The following NXPH1 variants were observed in gnomAD, a reference collection of about 807,000 sequenced individuals.
NXPH1 encodes the protein neurexophilin-1.
NXPH1 carries 5 observed loss-of-function variants against 23.7 expected under a neutral mutation model. That is an observed-to-expected ratio of 0.21 (90% CI 0.11 to 0.44). The LOEUF is 0.44. NXPH1 is among the 20% of genes least tolerant of loss of function. NXPH1 has a pLI of 0.99. For synonymous variants in NXPH1, 144 were observed against 122.2 expected (o/e 1.18, Z -1.18); for missense variants, 324 against 321.6 (o/e 1.01, Z -0.06).
intron 2 of NXPH1, among the ~76,000 whole-genome samples, chr7:8,436,070 C>A (rs1414493308): frequency 1.3e-5 from 2 of 152,048 alleles, no homozygotes; most frequent in East Asian, 1.9e-4. Context: ...AGAGGGCCAA[C>A]GAGAAGAAGT....
At chr7:8,710,644 TTTG>T (rs1337826369) in intron 2 of NXPH1, among the ~76,000 whole-genome samples, 556 of 19,672 alleles carry the variant, frequency 0.028, 135 homozygotes, top group South Asian at 0.059. Flanking sequence ...TGTTACGTTT[TTTG>T]TTTTTTTTTT....
intron 2 of NXPH1, among the ~76,000 whole-genome samples, chr7:8,593,310 A>G (rs1451595163): frequency 1.3e-5 from 2 of 151,890 alleles, no homozygotes; most frequent in Non-Finnish European, 2.9e-5. Context: ...GGGAATACAT[A>G]GCAATCATAT....
chr7:8,733,253 C>T (rs539489752), intron 2 of NXPH1, among the ~76,000 whole-genome samples: 1 of 152,148 alleles, frequency 6.6e-6, no homozygotes, highest in Non-Finnish European at 1.5e-5. Flanking sequence ...GTATATGTGT[C>T]ACATTTTCTT....
At chr7:8,513,911 T>C (rs919197686) in intron 2 of NXPH1, among the ~76,000 whole-genome samples, 1 of 152,104 alleles carries the variant, frequency 6.6e-6, no homozygotes, top group Non-Finnish European at 1.5e-5. Flanking sequence ...ATCAAGATGT[T>C]GGCAAGGTTG....
intron 2 of NXPH1, among the ~76,000 whole-genome samples, chr7:8,693,647 C>A (rs1279162929): frequency 2.6e-5 from 4 of 152,130 alleles, no homozygotes; most frequent in Admixed American, 2.6e-4. Context: ...AATCTCAGAC[C>A]AGAAAAGGCA....
intron 2 of NXPH1, among the ~76,000 whole-genome samples, chr7:8,446,599 T>A (rs1160874621): frequency 6.6e-6 from 1 of 152,230 alleles, no homozygotes; most frequent in Non-Finnish European, 1.5e-5. Context: ...GTTAAATCAT[T>A]AAAACCAAAT....
At chr7:8,486,200 G>C (rs1453233768) in intron 2 of NXPH1, among the ~76,000 whole-genome samples, 1 of 152,156 alleles carries the variant, frequency 6.6e-6, no homozygotes, top group African/African-American at 2.4e-5. Flanking sequence ...GGAAGAACTA[G>C]ACAGAATTCC....
At chr7:8,672,937 G>A (rs1006378201) in intron 2 of NXPH1, among the ~76,000 whole-genome samples, 4 of 152,164 alleles carry the variant, frequency 2.6e-5, no homozygotes, top group Non-Finnish European at 5.9e-5. Context: ...GATTTTGAAT[G>A]AGGCAGACCT....
chr7:8,735,118 T>G (rs1010518088), intron 2 of NXPH1, among the ~76,000 whole-genome samples: 2 of 152,186 alleles, frequency 1.3e-5, no homozygotes, highest in Admixed American at 1.3e-4. Flanking sequence ...CTCTTCCTAT[T>G]TGAATTTCCT....
intron 2 of NXPH1, among the ~76,000 whole-genome samples, chr7:8,632,067 G>T (rs1010511973): frequency 1.3e-5 from 2 of 152,152 alleles, no homozygotes; most frequent in African/African-American, 4.8e-5. Context: ...TGTAAGTTCA[G>T]CTTTGAGACC....
chr7:8,678,621 C>T (rs1037888392), intron 2 of NXPH1, among the ~76,000 whole-genome samples: 2 of 152,134 alleles, frequency 1.3e-5, no homozygotes, highest in Non-Finnish European at 1.5e-5. Flanking sequence ...ATTAATCTCA[C>T]TCCCACTGCT....
chr7:8,462,656 T>C (rs1816715257), intron 2 of NXPH1, among the ~76,000 whole-genome samples: 1 of 152,224 alleles, frequency 6.6e-6, no homozygotes, highest in Non-Finnish European at 1.5e-5. Context: ...AGTTTTATGG[T>C]TTGTATCAGA....
intron 2 of NXPH1, among the ~76,000 whole-genome samples, chr7:8,614,430 G>A (rs1015566263): frequency 5.9e-5 from 9 of 151,624 alleles, no homozygotes; most frequent in African/African-American, 2.2e-4. Flanking sequence ...AGACATATAT[G>A]TCTGTATGTG....
chr7:8,665,408 T>A (rs916235521), intron 2 of NXPH1, among the ~76,000 whole-genome samples: 7 of 151,984 alleles, frequency 4.6e-5, no homozygotes, highest in Admixed American at 3.3e-4. Flanking sequence ...ACCATGCTGT[T>A]TTAATATAAT....
chr7:8,720,897 C>T (rs927838630), intron 2 of NXPH1, among the ~76,000 whole-genome samples: 2 of 152,026 alleles, frequency 1.3e-5, no homozygotes, highest in Non-Finnish European at 2.9e-5. Flanking sequence ...GACATTTTAC[C>T]GATTAATAGC....
chr7:8,654,081 G>T (rs1820533788), intron 2 of NXPH1, among the ~76,000 whole-genome samples: 1 of 152,164 alleles, frequency 6.6e-6, no homozygotes, highest in Non-Finnish European at 1.5e-5. Flanking sequence ...TAGCAGGACA[G>T]CAGAAATCTA....
At chr7:8,501,907 AGTG>A (rs1166383743) in intron 2 of NXPH1, among the ~76,000 whole-genome samples, 3 of 152,144 alleles carry the variant, frequency 2.0e-5, no homozygotes, top group Non-Finnish European at 2.9e-5. Context: ...ATACCCATCC[AGTG>A]GCCTACACAG....
intron 2 of NXPH1, among the ~76,000 whole-genome samples, chr7:8,704,397 A>G (rs73245447): frequency 0.036 from 5,451 of 152,058 alleles, 274 homozygotes; most frequent in African/African-American, 0.12. Flanking sequence ...GAGACACTGT[A>G]TTCTCAGAGA....
intron 2 of NXPH1, among the ~76,000 whole-genome samples, chr7:8,482,904 T>A (rs146329775): frequency 1.3e-5 from 2 of 152,346 alleles, no homozygotes; most frequent in East Asian, 3.9e-4. Context: ...TAACTACAGC[T>A]ACATTTGATT....
Sources: gnomAD v4.1 joint callset for allele counts (sites outside exome capture counted in the v4.1 genomes callset) on GRCh38, gnomAD v4.1.1 for gene constraint, MANE v1.5 for transcripts, NCBI Gene and HGNC (gene_info 2026-07-23, HGNC 2026-07-21) for gene names.